TFEC: variants seen among roughly 807,000 people sequenced by gnomAD.
TFEC encodes transcription factor EC.
In TFEC, 31 loss-of-function variants were observed where a neutral mutation model predicts 41.6. That is an observed-to-expected ratio of 0.74 (90% CI 0.56 to 1.01). The LOEUF is 1.01. Ranked by LOEUF, TFEC falls within the 50% of genes least tolerant of loss-of-function variation. The pLI, the probability that TFEC is intolerant of heterozygous loss-of-function variation, is 0.00. For synonymous variants in TFEC, 143 were observed against 140.6 expected, an observed-to-expected ratio of 1.02 and a Z score of -0.12; for missense variants, 402 against 404.1, an observed-to-expected ratio of 0.99 and a Z score of 0.04.
intron 7 of TFEC, chr7:115,941,198 A>G: frequency 3.1e-6 from 1 of 323,266 alleles, no homozygotes; most frequent in Non-Finnish European, 5.7e-6. Flanking sequence ...ATAGTGGCTC[A>G]GACTACAATA....
intron 3 of TFEC, among the ~76,000 whole-genome samples, chr7:115,968,966 A>G (rs1469174140): frequency 6.6e-6 from 1 of 151,904 alleles, no homozygotes; most frequent in Admixed American, 6.6e-5. Context: ...TATTTTGCAT[A>G]ATTCTTGTCA....
chr7:116,128,523 TTAAC>T (rs1199238472), intron 1 of TFEC, among the ~76,000 whole-genome samples: 1 of 152,104 alleles, frequency 6.6e-6, no homozygotes, highest in East Asian at 1.9e-4. Flanking sequence ...ATATAACAAT[TTAAC>T]TATTTTTATA....
intron 1 of TFEC, chr7:116,157,364 G>A (rs879887011): frequency 6.7e-6 from 1 of 150,272 alleles, no homozygotes; most frequent in Non-Finnish European, 1.5e-5. Context: ...CATGGTCCTA[G>A]ATGTTCCAAA....
chr7:116,099,802 CG>C (rs1797563698), intron 3 of TFEC, among the ~76,000 whole-genome samples: 1 of 152,114 alleles, frequency 6.6e-6, no homozygotes, highest in Non-Finnish European at 1.5e-5. Context: ...TGCAACAATG[CG>C]TAACTAATAC....
intron 1 of TFEC, among the ~76,000 whole-genome samples, chr7:116,148,597 A>G (rs1221674712): frequency 1.3e-5 from 2 of 152,180 alleles, no homozygotes; most frequent in Admixed American, 1.3e-4. Flanking sequence ...GAGACTCTAG[A>G]TAACTGAATT....
chr7:115,977,319 G>A (rs1168874704), intron 2 of TFEC, among the ~76,000 whole-genome samples: 1 of 151,912 alleles, frequency 6.6e-6, no homozygotes, highest in East Asian at 1.9e-4. Flanking sequence ...TAAAAATGGA[G>A]ATAATAGGCA....
rs1418070739 is a variant in TFEC, at chr7:115,974,189, G to A, written c.248C>T (p.Pro83Leu). The A allele has an allele frequency of 3.8e-6, 6 of 1,594,826 alleles. No individual in the cohort carries two copies. Among genetic ancestry groups the A allele is most frequent in the Admixed American group, 3.5e-5 (2 of 56,704 alleles). Reference sequence around the variant, plus strand: ...ACTTACTGTTCTTTGCATTAGCAGAGGAGAGTCTGCTCCTTCCTCTTTAAA... The same window carrying A: ...ACTTACTGTTCTTTGCATTAGCAGAAGAGAGTCTGCTCCTTCCTCTTTAAA... ...SSFKEEGADS[P>L]LLMQRTLSGS... Residue 83 changes from proline (P) to leucine (L), a missense_variant, in exon 3 of 8, where the codon CCT becomes CTT. Physicochemically the swap from Pro to Leu is moderately conservative, Grantham distance 98. Transcript: ENST00000265440.
Position 115,974,194 on chromosome 7 carries a change from G to A in TFEC, c.243C>T (p.Asp81=). Residue 81 remains aspartate (D), a synonymous_variant, in exon 3 of 8, where the codon GAC becomes GAT. Coordinates refer to ENST00000265440, the MANE Select transcript of TFEC (RefSeq NM_012252.4). ...CTGTTCTTTGCATTAGCAGAGGAGAGTCTGCTCCTTCCTCTTTAAAACTTG... is the reference window on the plus strand; with the variant it reads ...CTGTTCTTTGCATTAGCAGAGGAGAATCTGCTCCTTCCTCTTTAAAACTTG... ...MESSFKEEGA[D]SPLLMQRTLS... 2 of 1,595,010 alleles carry A rather than the reference G, an allele frequency of 1.3e-6. No homozygotes were observed. Among genetic ancestry groups the A allele is most frequent in the Non-Finnish European group, 1.7e-6 (2 of 1,171,792 alleles).
intron 3 of TFEC, among the ~76,000 whole-genome samples, chr7:116,062,049 A>T (rs1331967207): frequency 6.7e-6 from 1 of 150,006 alleles, no homozygotes; most frequent in Non-Finnish European, 1.5e-5. Context: ...TAGTCCCCAA[A>T]GTCTACTGTA....
intron 3 of TFEC, among the ~76,000 whole-genome samples, chr7:116,094,233 A>G (rs535542677): frequency 7.3e-4 from 111 of 152,312 alleles, no homozygotes; most frequent in Non-Finnish European, 1.2e-3. Context: ...AATGTTATAA[A>G]AGTCAGAATT....
At chr7:115,996,421 C>T (rs546897346) in intron 1 of TFEC, among the ~76,000 whole-genome samples, 2 of 152,028 alleles carry the variant, frequency 1.3e-5, no homozygotes, top group Non-Finnish European at 2.9e-5. Flanking sequence ...GAATAATCAG[C>T]AGTACTACCC....
Position 116,005,348 on chromosome 7 carries a change from C to T in TFEC, c.-72-20835G>A, listed in dbSNP as rs544943358. On this transcript the variant is annotated intron_variant, in intron 1 of 7. Transcript: ENST00000265440. Reference sequence around the variant, plus strand: ...TTGTTGAATGGCTTTGATGAAAAGCCTGAGAATGATATGAACAATAAGGTC... The same window carrying T: ...TTGTTGAATGGCTTTGATGAAAAGCTTGAGAATGATATGAACAATAAGGTC... 4.1e-3 allele frequency among the ~76,000 whole-genome samples: 630 copies of T among 152,208 alleles called. 4 individuals carry two copies. The highest frequency in any genetic ancestry group is 6.8e-3 in the Middle Eastern group (2 of 294).
intron 3 of TFEC, among the ~76,000 whole-genome samples, chr7:116,045,828 C>A (rs1485575882): frequency 6.6e-6 from 1 of 152,194 alleles, no homozygotes; most frequent in Non-Finnish European, 1.5e-5. Flanking sequence ...AGGCTGGACC[C>A]TGCAAAGCCA....
chr7:115,978,255 A>T (rs1368797602), intron 2 of TFEC, among the ~76,000 whole-genome samples: 2 of 152,202 alleles, frequency 1.3e-5, no homozygotes, highest in Non-Finnish European at 2.9e-5. Flanking sequence ...ATTCATATTA[A>T]GCAATATAAA....
chr7:116,044,905 C>A (rs569095429), intron 3 of TFEC, among the ~76,000 whole-genome samples: 1 of 152,236 alleles, frequency 6.6e-6, no homozygotes, highest in East Asian at 1.9e-4. Flanking sequence ...AGAAGAGGGA[C>A]GAAATTAGAT....
chr7:116,111,370 G>A (rs998115260), intron 2 of TFEC, among the ~76,000 whole-genome samples: 1 of 152,036 alleles, frequency 6.6e-6, no homozygotes, highest in Non-Finnish European at 1.5e-5. Context: ...ACCATTCACT[G>A]TGCAAAAATA....
chr7:116,122,755 T>C (rs966504206), intron 1 of TFEC, among the ~76,000 whole-genome samples: 20 of 152,084 alleles, frequency 1.3e-4, no homozygotes, highest in African/African-American at 4.8e-4. Context: ...TAAGGACGAC[T>C]GGAACAAGGT....
intron 1 of TFEC, among the ~76,000 whole-genome samples, chr7:116,143,356 G>C (rs537183301): frequency 4.6e-5 from 7 of 152,020 alleles, no homozygotes; most frequent in Non-Finnish European, 1.0e-4. Context: ...TTTTGATACA[G>C]AAGACCAGAC....
chr7:116,029,904 CA>C (rs34533153), intron 1 of TFEC, among the ~76,000 whole-genome samples: 56 of 146,654 alleles, frequency 3.8e-4, no homozygotes, highest in Admixed American at 3.4e-4. Context: ...ACTAAAGATA[CA>C]AAAAAAAAAA....
Sources: allele counts gnomAD v4.1 joint callset (sites outside exome capture counted in the v4.1 genomes callset), GRCh38; gene constraint gnomAD v4.1.1; transcripts MANE v1.5; gene names NCBI Gene and HGNC (gene_info 2026-07-23, HGNC 2026-07-21).